Variants in FSHR observed in about 807,000 individuals in gnomAD.
FSHR encodes follicle-stimulating hormone receptor.
Under a neutral mutation model 52.1 loss-of-function variants are expected in FSHR, and 46 were observed. That is an observed-to-expected ratio of 0.88 (90% CI 0.70 to 1.13). The LOEUF is 1.13. Among genes scored for constraint, FSHR ranks in the 50% most tolerant of loss-of-function variants. The pLI, the probability that FSHR is intolerant of heterozygous loss-of-function variation, is 0.00. For synonymous variants in FSHR, 399 were observed against 309.6 expected (o/e 1.29, Z -3.03); for missense variants, 964 against 834.6 (o/e 1.16, Z -1.91).
chr2:49,057,333 A>G (rs958963683), intron 2 of FSHR, among the ~76,000 whole-genome samples: 1 of 152,146 alleles, frequency 6.6e-6, no homozygotes, highest in South Asian at 2.1e-4. Context: ...AACATACACA[A>G]TGACAGTAGC....
At position 49,027,524 on chromosome 2, in the gene FSHR, GA is replaced by G. The variant is rs779657397; in HGVS notation, c.225-7365del. The stretch of plus-strand genomic sequence containing the variant: ...AGCCATGCATAGGATAATTATTTGG[GA>G]AAGCAAATGGAATTGAAAGAAGATG... On this transcript the variant is annotated intron_variant, in intron 2 of 9. Coordinates refer to ENST00000406846, the MANE Select transcript of FSHR (RefSeq NM_000145.4). Among the ~76,000 whole-genome samples the G allele has an allele frequency of 1.2e-4, 19 of 152,216 alleles. No individual in the cohort carries two copies. In the East Asian group the frequency reaches 2.7e-3, roughly 22 times the overall value.
At chr2:49,033,555 T>G (rs1668175955) in intron 2 of FSHR, among the ~76,000 whole-genome samples, 1 of 151,998 alleles carries the variant, frequency 6.6e-6, no homozygotes, top group African/African-American at 2.4e-5. Flanking sequence ...AGAGGGCATT[T>G]GAGAGGAAAA....
At chr2:49,096,189 T>A (rs1670816197) in intron 1 of FSHR, among the ~76,000 whole-genome samples, 1 of 152,140 alleles carries the variant, frequency 6.6e-6, no homozygotes, top group East Asian at 1.9e-4. Flanking sequence ...TTCACAATAG[T>A]CAAAATTTGA....
intron 4 of FSHR, among the ~76,000 whole-genome samples, chr2:49,005,208 G>A (rs1386888219): frequency 1.3e-5 from 2 of 152,128 alleles, no homozygotes; most frequent in East Asian, 1.9e-4. Flanking sequence ...GGGAGGAAAG[G>A]TAAGCAGCAT....
intron 1 of FSHR, among the ~76,000 whole-genome samples, chr2:49,097,942 C>A (rs1484347009): frequency 6.9e-6 from 1 of 145,476 alleles, no homozygotes; most frequent in Non-Finnish European, 1.5e-5. Context: ...ACTCTCTGCC[C>A]AAATTTTTAT....
At chr2:49,047,457 C>T (rs1458892520) in intron 2 of FSHR, among the ~76,000 whole-genome samples, 1 of 152,224 alleles carries the variant, frequency 6.6e-6, no homozygotes, top group Non-Finnish European at 1.5e-5. Context: ...AGTGTGCTTA[C>T]AGCACGATCA....
intron 1 of FSHR, among the ~76,000 whole-genome samples, chr2:49,126,076 T>C (rs1253797214): frequency 6.6e-6 from 1 of 152,234 alleles, no homozygotes. Flanking sequence ...GAATCACAAA[T>C]GACAAAGCAG....
intron 4 of FSHR, among the ~76,000 whole-genome samples, chr2:48,993,130 T>C (rs923999589): frequency 2.6e-5 from 4 of 152,146 alleles, no homozygotes; most frequent in Non-Finnish European, 4.4e-5. Context: ...GCTTCTCTTT[T>C]CTATAGTCTC....
intron 2 of FSHR, among the ~76,000 whole-genome samples, chr2:49,031,872 A>C (rs183939539): frequency 4.7e-4 from 71 of 152,332 alleles, no homozygotes; most frequent in Non-Finnish European, 1.0e-3. Context: ...TCTGAAGCTT[A>C]GTAAGTAGTA....
chr2:48,986,207 G>A (rs1450026056), intron 6 of FSHR, among the ~76,000 whole-genome samples: 3 of 152,112 alleles, frequency 2.0e-5, no homozygotes, highest in African/African-American at 7.2e-5. Flanking sequence ...GCTCTTACAA[G>A]AGTGAACATA....
chr2:49,127,879 TCTTC>T (rs1672112695), intron 1 of FSHR, among the ~76,000 whole-genome samples: 1 of 49,098 alleles, frequency 2.0e-5, no homozygotes. Flanking sequence ...TTCTTCTTCT[TCTTC>T]TTCTTCTTCT....
intron 4 of FSHR, among the ~76,000 whole-genome samples, chr2:49,000,473 C>T (rs1412514701): frequency 7.2e-5 from 11 of 152,144 alleles, no homozygotes; most frequent in Admixed American, 5.2e-4. Context: ...CGGATACCTC[C>T]GTGGCTAAGG....
At chr2:49,083,632 A>G (rs1220434168) in intron 1 of FSHR, among the ~76,000 whole-genome samples, 4 of 150,226 alleles carry the variant, frequency 2.7e-5, no homozygotes, top group Non-Finnish European at 5.9e-5. Context: ...TAGGCTCAAA[A>G]TAAAAGGATG....
chr2:49,013,893 T>C (rs1385450491), intron 4 of FSHR, among the ~76,000 whole-genome samples: 1 of 151,932 alleles, frequency 6.6e-6, no homozygotes, highest in African/African-American at 2.4e-5. Context: ...ACCCTCACAA[T>C]AGGATGAATG....
intron 1 of FSHR, among the ~76,000 whole-genome samples, chr2:49,141,678 C>T (rs1168800172): frequency 1.3e-5 from 2 of 152,106 alleles, no homozygotes; most frequent in Non-Finnish European, 2.9e-5. Flanking sequence ...GAGTGCAGTG[C>T]TAATCTTCAG....
intron 1 of FSHR, among the ~76,000 whole-genome samples, chr2:49,083,952 A>C (rs934036086): frequency 5.3e-5 from 8 of 151,758 alleles, no homozygotes; most frequent in South Asian, 2.1e-4. Flanking sequence ...AGAAAGTCAA[A>C]AAGGATACCC....
At position 49,068,303 on chromosome 2, in the gene FSHR, T is replaced by C. The variant is rs769032986; in HGVS notation, c.153-13A>G. The C allele has an allele frequency of 5.6e-6, 9 of 1,605,986 alleles. No individual in the cohort carries two copies. The highest frequency in any genetic ancestry group is 2.2e-5 in the East Asian group (1 of 44,776). On this transcript the variant is annotated splice_polypyrimidine_tract_variant and intron_variant, in intron 1 of 9. Transcript: ENST00000406846. ...GAGGACAAACCTCCTGCAAAGAGAG[T>C]AGAAATAAAATATCACAACCTATCC...
At chr2:48,979,485 C>T (rs552958789) in intron 8 of FSHR, among the ~76,000 whole-genome samples, 24 of 152,218 alleles carry the variant, frequency 1.6e-4, no homozygotes, top group African/African-American at 5.3e-4. Flanking sequence ...TGCTCTAGGA[C>T]AACTGAGAAC....
At chr2:49,013,470 A>G (rs1038607507) in intron 4 of FSHR, among the ~76,000 whole-genome samples, 2 of 130,614 alleles carry the variant, frequency 1.5e-5, no homozygotes, top group Non-Finnish European at 3.2e-5. Context: ...ATAAATATAT[A>G]TATATATATA....
Sources: allele counts gnomAD v4.1 joint callset (sites outside exome capture counted in the v4.1 genomes callset), GRCh38; gene constraint gnomAD v4.1.1; transcripts MANE v1.5; gene names NCBI Gene and HGNC (gene_info 2026-07-23, HGNC 2026-07-21).